Variants in CEP170B observed in about 807,000 individuals in gnomAD.
CEP170B encodes centrosomal protein of 170 kDa protein B.
CEP170B carries 55 observed loss-of-function variants against 120.6 expected under a neutral mutation model. The ratio of observed to expected loss-of-function variants is 0.46; its 90% CI spans 0.37 to 0.57. CEP170B has a LOEUF of 0.57. Among genes scored for constraint, CEP170B ranks in the 20% least tolerant of loss-of-function variants. CEP170B has a pLI of 0.00. For missense variants in CEP170B, 2,212 were observed against 2,253.3 expected, an observed-to-expected ratio of 0.98 and a Z score of 0.37; for synonymous variants, 1,033 against 954.5, an observed-to-expected ratio of 1.08 and a Z score of -1.52.
chr14:104,868,648 C>T lies in CEP170B; in HGVS notation c.105+93C>T. ...GGTGCCCACCCCACTTGCTGCAGGC[C>T]ACCCTGGCGAGGAGGCCGCCATGCA... On this transcript the variant is annotated intron_variant, in intron 2 of 18. Coordinates refer to ENST00000414716, the MANE Select transcript of CEP170B (RefSeq NM_001112726.3). This position sits in a 1 kb window ranked among gnomAD's most constrained non-coding sequence, Gnocchi z 5.9. 7.9e-7 allele frequency: 1 copy of T among 1,263,462 alleles called. No homozygotes were observed. The highest frequency in any genetic ancestry group is 1.1e-6 in the Non-Finnish European group (1 of 917,718). 78.3% of individuals were successfully genotyped at this position (1,263,462 alleles called of 1,614,324 possible).
chr14:104,885,781 C>T (rs115584850), intron 10 of CEP170B, among the ~76,000 whole-genome samples: 3,649 of 152,264 alleles, frequency 0.024, 154 homozygotes, highest in African/African-American at 0.083. Flanking sequence ...GCCACGGCTG[C>T]TCTGCCAACC....
Position 104,894,825 on chromosome 14 carries a change from C to T in CEP170B, c.4532C>T (p.Pro1511Leu). ...AAGGGCCGCGTGGCTGCCCAGAGCC[C>T]ACCCTCACCCGCCTCAGCCGAGGCC... ...LGKGRVAAQS[P>L]PSPASAEALL... Residue 1511 changes from proline (P) to leucine (L), a missense_variant, in exon 19 of 19, where the codon CCA (proline) becomes CTA (leucine). Transcript: ENST00000414716. 6.2e-7 allele frequency: 1 copy of T among 1,607,798 alleles called. No individual in the cohort carries two copies. Among genetic ancestry groups the T allele is most frequent in the Non-Finnish European group, 8.5e-7 (1 of 1,178,170 alleles).
At chr14:104,864,658 A>G (rs1895093344), upstream of CEP170B, among the ~76,000 whole-genome samples, 1 of 149,986 alleles carries the variant, frequency 6.7e-6, no homozygotes, top group Admixed American at 6.6e-5. This position sits in a 1 kb window ranked among gnomAD's most constrained non-coding sequence, Gnocchi z 5.9. Context: ...GATGCCCACC[A>G]CCATCGCCCC....
chr14:104,890,719 T>TGGGTGGGTGGATGGATGGATGGATGAGTG (rs60802019), intron 13 of CEP170B, among the ~76,000 whole-genome samples: 1 of 33,114 alleles, frequency 3.0e-5, no homozygotes, highest in Non-Finnish European at 6.0e-5. Flanking sequence ...GATGGATGAG[T>TGGGTGGGTGGATGGATGGATGGATGAGTG]GGTGGGTGGA....
At chr14:104,880,202 G>T in intron 5 of CEP170B, 85 bp from the exon 6 acceptor site, 2 of 1,516,954 alleles carry the variant, frequency 1.3e-6, no homozygotes, top group East Asian at 4.9e-5. Flanking sequence ...TGGGCCCTCT[G>T]GATGGAGAGG....
chr14:104,884,544 G>A lies in CEP170B; in HGVS notation c.1765G>A (p.Asp589Asn), dbSNP rs367826426. The A allele has an allele frequency of 2.0e-5, 31 of 1,557,666 alleles. No homozygotes were observed. Among genetic ancestry groups the A allele is most frequent in the Admixed American group, 1.2e-4 (6 of 52,114 alleles). ...TEVEEARKMI[D>N]QVFGVLESPE... ...GGTGGAGGAGGCCCGGAAGATGATC[G>A]ACCAGGTGCAGCCCAGCGGCGAGTG... The change falls in exon 9 of 19, where the codon GAC becomes AAC. Residue 589 changes from aspartate (D) to asparagine (N), a missense_variant. Physicochemically the swap from Asp to Asn is conservative, Grantham distance 23. This residue lies in a region of CEP170B where 2,166 missense variants were observed against 2,166.7 expected (regional missense o/e 1.00). Transcript: ENST00000414716.
chr14:104,887,061 G>A lies in CEP170B; in HGVS notation c.2822G>A (p.Ser941Asn). The A allele has an allele frequency of 1.2e-6, 2 of 1,611,398 alleles. No individual in the cohort carries two copies. Among genetic ancestry groups the A allele is most frequent in the Non-Finnish European group, 8.5e-7 (1 of 1,179,768 alleles). Residue 941 changes from serine to asparagine, a missense_variant, in exon 12 of 19, where the codon AGC becomes AAC. Physicochemically the swap from Ser to Asn is conservative, Grantham distance 46. Coordinates refer to ENST00000414716, the MANE Select transcript of CEP170B (RefSeq NM_001112726.3). ...GTGGATGCCGAGTGTGAGGGGGGCA[G>A]CACCCCGAGGCCGCCGGAGGACGCC... The part of the protein sequence containing the change: ...NSVDAECEGG[S>N]TPRPPEDALS...
At chr14:104,876,621 A>C (rs1429282799) in intron 3 of CEP170B, among the ~76,000 whole-genome samples, 1 of 147,966 alleles carries the variant, frequency 6.8e-6, no homozygotes, top group African/African-American at 2.5e-5. Context: ...CCCCTCTCCC[A>C]GATCGGGCCC....
rs74090086 is a variant in CEP170B, at chr14:104,868,311, C to T, written c.-27-113C>T. The T allele has an allele frequency of 0.015, 10,707 of 732,916 alleles. 785 individuals are homozygous for T. In the African/African-American group the frequency reaches 0.16, roughly 11 times the overall value. The allele number at this position is 732,916 out of a possible 1,614,324, so 45.4% of individuals were successfully genotyped here. ...TGATGAGGCTGGAGCCCAGCTTCTC[C>T]GGAAGCTGCCAGCTTCCCTTAGAGG... On this transcript the variant is annotated intron_variant, in intron 1 of 18. Coordinates refer to ENST00000414716, the MANE Select transcript of CEP170B (RefSeq NM_001112726.3). The surrounding 1 kb of genome is among the most constrained non-coding windows in gnomAD (Gnocchi z 5.9).
chr14:104,879,897 G>A (rs571729965), intron 5 of CEP170B, among the ~76,000 whole-genome samples: 6 of 152,272 alleles, frequency 3.9e-5, no homozygotes, highest in South Asian at 2.1e-4. Flanking sequence ...CGCTTAGCCC[G>A]TTCCTCGGAT....
rs758162711 is a variant in CEP170B, at chr14:104,886,793, C to G, written c.2554C>G (p.Arg852Gly). The stretch of plus-strand genomic sequence containing the variant: ...AATGGTCATCCAGCTACGGCCTGGA[C>G]GGTCCCCAGAACCCGACGGCCCTGC... Reference protein sequence around the residue: ...GRMVIQLRPGRSPEPDGPAPA... With the variant: ...GRMVIQLRPGGSPEPDGPAPA... Residue 852 changes from arginine to glycine, a missense_variant, in exon 12 of 19, where the codon CGG (arginine) becomes GGG (glycine). Physicochemically the swap from Arg to Gly is moderately radical, Grantham distance 125. Coordinates refer to ENST00000414716, the MANE Select transcript of CEP170B (RefSeq NM_001112726.3). The G allele has an allele frequency of 6.2e-7, 1 of 1,611,384 alleles. No homozygotes were observed.
intron 2 of CEP170B, among the ~76,000 whole-genome samples, chr14:104,871,558 G>C (rs1446877039): frequency 1.3e-5 from 2 of 152,146 alleles, no homozygotes; most frequent in East Asian, 3.9e-4. Flanking sequence ...TCTTTCCACT[G>C]GGCAGGGTGT....
In CEP170B at chr14:104,878,367, C is replaced by T. The variant is rs575571778; in HGVS notation, c.275-76C>T. 40 of 1,481,000 alleles carry T rather than the reference C, an allele frequency of 2.7e-5. 2 individuals carry two copies. Among genetic ancestry groups the T allele is most frequent in the African/African-American group, 2.6e-4 (19 of 72,980 alleles). The allele number at this position is 1,481,000 out of a possible 1,614,324, so 91.7% of individuals were successfully genotyped here. On this transcript the variant is annotated intron_variant, in intron 4 of 18. Coordinates refer to ENST00000414716, the MANE Select transcript of CEP170B (RefSeq NM_001112726.3). ...GCCTCGATGGGCCCTTGAGCTGGCA[C>T]ACCTGTTGCTGGGCGTGGACTTCAG...
chr14:104,876,610 G>A (rs1399572279), intron 3 of CEP170B, among the ~76,000 whole-genome samples: 3 of 151,954 alleles, frequency 2.0e-5, no homozygotes, highest in Non-Finnish European at 4.4e-5. Flanking sequence ...CCAAAATCTG[G>A]CCCCTCTCCC....
chr14:104,870,904 G>A lies in CEP170B; in HGVS notation c.105+2349G>A, dbSNP rs933360721. Reference sequence around the variant, plus strand: ...AGTGTGGGAAGGCTGTCTGCCTCCCGGTGCCCCTGCAGCGGCCTCCTACCT... The same window carrying A: ...AGTGTGGGAAGGCTGTCTGCCTCCCAGTGCCCCTGCAGCGGCCTCCTACCT... On this transcript the variant is annotated intron_variant, in intron 2 of 18. Transcript: ENST00000414716. The surrounding 1 kb of genome is among the most constrained non-coding windows in gnomAD (Gnocchi z 4.1). 6.6e-6 allele frequency among the ~76,000 whole-genome samples: 1 copy of A among 151,950 alleles called. No homozygotes were observed. Among genetic ancestry groups the A allele is most frequent in the African/African-American group, 2.4e-5 (1 of 41,362 alleles).
intron 10 of CEP170B, 70 bp from the exon 11 acceptor site, chr14:104,885,970 G>A (rs1242824198): frequency 8.7e-6 from 12 of 1,385,040 alleles, no homozygotes; most frequent in Non-Finnish European, 1.1e-5. Flanking sequence ...CGCCCCTCCT[G>A]TTCCCTGGCA....
rs369239687 is a variant in CEP170B, at chr14:104,885,462, G to A, written c.1864G>A (p.Gly622Arg). The change falls in exon 10 of 19, where the codon GGG becomes AGG. Residue 622 changes from glycine (G) to arginine (R), a missense_variant. Coordinates refer to ENST00000414716, the MANE Select transcript of CEP170B (RefSeq NM_001112726.3). ...IRGDRDESDD[G>R]GVAQRMALLQ... ...AGGGGACAGAGATGAGTCTGATGAC[G>A]GGGGCGTGGCCCAGCGGATGGCGCT... The A allele has an allele frequency of 1.4e-5, 22 of 1,563,296 alleles. No homozygotes were observed. The highest frequency in any genetic ancestry group is 4.8e-5 in the East Asian group (2 of 42,078).
Position 104,868,311 on chromosome 14 carries a change from C to CGGAAGCTGCCAGCTTCCCT in CEP170B, c.-27-112_-27-94dup. ...TGATGAGGCTGGAGCCCAGCTTCTCCGGAAGCTGCCAGCTTCCCTTAGAGG... is the reference window on the plus strand; with the variant it reads ...TGATGAGGCTGGAGCCCAGCTTCTCCGGAAGCTGCCAGCTTCCCTGGAAGCTGCCAGCTTCCCTTAGAGG... On this transcript the variant is annotated intron_variant, in intron 1 of 18. Transcript: ENST00000414716. The surrounding 1 kb of genome is among the most constrained non-coding windows in gnomAD (Gnocchi z 5.9). 1.4e-6 allele frequency: 1 copy of CGGAAGCTGCCAGCTTCCCT among 732,934 alleles called. No homozygotes were observed. The highest frequency in any genetic ancestry group is 2.7e-5 in the East Asian group (1 of 36,610). 45.4% of individuals were successfully genotyped at this position (732,934 alleles called of 1,614,324 possible). A position where few individuals can be genotyped will look rare whatever the true frequency, so the allele number is the denominator to read the frequency against.
rs559400502 is a variant in CEP170B at position 104,894,290 on chromosome 14, T to G, written c.4277T>G (p.Leu1426Arg). ...TEHLAEKMKILFQNTGRAWED... is the reference protein window; with the variant it reads ...TEHLAEKMKIRFQNTGRAWED... ...CCTCCCCCTACCTCGGACAGGATCCTCTTTCAGAACACAGGGAGAGCTTGG... is the reference window on the plus strand; with the variant it reads ...CCTCCCCCTACCTCGGACAGGATCCGCTTTCAGAACACAGGGAGAGCTTGG... The change falls in exon 17 of 19, where the codon CTC becomes CGC. Residue 1426 changes from leucine (L) to arginine (R), a missense_variant. Transcript: ENST00000414716. The G allele has an allele frequency of 3.1e-6, 5 of 1,613,206 alleles. No individual in the cohort carries two copies. The highest frequency in any genetic ancestry group is 4.2e-6 in the Non-Finnish European group (5 of 1,179,472).
Sources: allele counts gnomAD v4.1 joint callset (sites outside exome capture counted in the v4.1 genomes callset), GRCh38; gene constraint gnomAD v4.1.1; regional missense constraint gnomAD v4.1.1; non-coding constraint Gnocchi (gnomAD v3.1); transcripts MANE v1.5; gene names NCBI Gene and HGNC (gene_info 2026-07-23, HGNC 2026-07-21).